ZDHHC17: variants seen among roughly 807,000 people sequenced by gnomAD.
ZDHHC17 encodes zDHHC palmitoyltransferase 17.
Under a neutral mutation model 90.3 loss-of-function variants are expected in ZDHHC17, and 40 were observed. That is an observed-to-expected ratio of 0.44 (90% CI 0.34 to 0.58). The LOEUF is 0.58. ZDHHC17 is among the 20% of genes least tolerant of loss of function. The pLI, the probability that ZDHHC17 is intolerant of heterozygous loss-of-function variation, is 0.01. For missense variants in ZDHHC17, 614 were observed against 780.8 expected, an observed-to-expected ratio of 0.79 and a Z score of 2.55; for synonymous variants, 235 against 252.4, an observed-to-expected ratio of 0.93 and a Z score of 0.65.
In ZDHHC17 at chr12:76,853,121, A is replaced by G. The variant is rs930869311; in HGVS notation, c.*2136A>G. ...TTTCAGTGCAAAAGAGATGTCATTCAGTTAAAAAGACAAACCTCTAGATGT... is the reference window on the plus strand; with the variant it reads ...TTTCAGTGCAAAAGAGATGTCATTCGGTTAAAAAGACAAACCTCTAGATGT... On this transcript the variant is annotated 3_prime_UTR_variant, in exon 17 of 17. Transcript: ENST00000426126. 2.6e-5 allele frequency: 4 copies of G among 152,198 alleles called. No individual in the cohort carries two copies. Among genetic ancestry groups the G allele is most frequent in the Non-Finnish European group, 5.9e-5 (4 of 68,024 alleles). 9.4% of individuals were successfully genotyped at this position (152,198 alleles called of 1,614,324 possible).
chr12:76,846,762 A>G, intron 14 of ZDHHC17, 83 bp downstream of exon 14: 1 of 1,226,504 alleles, frequency 8.2e-7, no homozygotes, highest in Non-Finnish European at 1.2e-6. Flanking sequence ...AATTACTATA[A>G]TGACAAAGGT....
chr12:76,825,514 T>C (rs1002115766), intron 8 of ZDHHC17, among the ~76,000 whole-genome samples: 3 of 152,224 alleles, frequency 2.0e-5, no homozygotes, highest in Non-Finnish European at 2.9e-5. Context: ...TGTCTTGATA[T>C]AAAGTTCATA....
chr12:76,777,981 G>A (rs1261288514), intron 1 of ZDHHC17, among the ~76,000 whole-genome samples: 3 of 152,104 alleles, frequency 2.0e-5, no homozygotes, highest in African/African-American at 4.8e-5. Context: ...GATATCAGTG[G>A]GACTATGCCT....
At chr12:76,815,069 G>A in intron 5 of ZDHHC17, 77 bp from the exon 6 acceptor site, 3 of 937,142 alleles carry the variant, frequency 3.2e-6, no homozygotes, top group Non-Finnish European at 4.9e-6. Flanking sequence ...TTTATATATA[G>A]ATTAGATTTT....
In ZDHHC17 at chr12:76,842,072, G is replaced by A; in HGVS notation, c.1232G>A (p.Gly411Glu). Residue 411 changes from glycine to glutamate, a missense_variant, in exon 11 of 17, where the codon GGG becomes GAG. Coordinates refer to ENST00000426126, the MANE Select transcript of ZDHHC17 (RefSeq NM_015336.4). ...NFGKSWKSDPGIIKATEEQKK... is the reference protein window; with the variant it reads ...NFGKSWKSDPEIIKATEEQKK... ...GGAAAATCTTGGAAATCAGATCCAG[G>A]GATTATTAAAGCAACAGAAGAGCAA... 1.3e-6 allele frequency: 2 copies of A among 1,592,920 alleles called. No homozygotes were observed. The highest frequency in any genetic ancestry group is 1.4e-5 in the African/African-American group (1 of 73,648).
At chr12:76,813,286 A>G (rs1371242394) in intron 5 of ZDHHC17, 1 of 428,954 alleles carries the variant, frequency 2.3e-6, no homozygotes, top group Non-Finnish European at 4.6e-6. Context: ...TTGTTTCTTC[A>G]GAAAACATAT....
At position 76,794,114 on chromosome 12, in the gene ZDHHC17, T is replaced by G. The variant is rs554364375; in HGVS notation, c.94-3320T>G. ...GTTAGCCAGGATGGTCTCAACCTCC[T>G]GACCTTGTGATCCACCTGCCTCTGC... On this transcript the variant is annotated intron_variant, in intron 1 of 16. Transcript: ENST00000426126. Among the ~76,000 whole-genome samples the G allele has an allele frequency of 2.0e-5, 3 of 152,246 alleles. No individual in the cohort carries two copies. In the East Asian group the frequency reaches 5.8e-4, roughly 29 times the overall value.
intron 1 of ZDHHC17, among the ~76,000 whole-genome samples, chr12:76,765,982 A>G (rs1007485642): frequency 6.6e-6 from 1 of 152,202 alleles, no homozygotes; most frequent in Admixed American, 6.5e-5. Flanking sequence ...GATTACAGGC[A>G]TGAGCCACCA....
intron 1 of ZDHHC17, among the ~76,000 whole-genome samples, chr12:76,786,723 A>G (rs563245890): frequency 1.4e-3 from 216 of 152,290 alleles, no homozygotes; most frequent in African/African-American, 4.8e-3. Context: ...GATAGTTAGA[A>G]ATGCCTTCTA....
At chr12:76,814,826 G>C (rs571953605) in intron 5 of ZDHHC17, among the ~76,000 whole-genome samples, 1 of 151,930 alleles carries the variant, frequency 6.6e-6, no homozygotes, top group Non-Finnish European at 1.5e-5. Context: ...GTATAAACAA[G>C]TTTTTCAGAA....
intron 7 of ZDHHC17, among the ~76,000 whole-genome samples, chr12:76,817,611 C>G (rs1953105434): frequency 6.6e-6 from 1 of 151,948 alleles, no homozygotes; most frequent in African/African-American, 2.4e-5. Flanking sequence ...ATTTTCTGTT[C>G]ATATAAAATT....
At chr12:76,793,312 G>A (rs1952781864) in intron 1 of ZDHHC17, among the ~76,000 whole-genome samples, 1 of 152,210 alleles carries the variant, frequency 6.6e-6, no homozygotes, top group South Asian at 2.1e-4. Flanking sequence ...TTCAGGCCAG[G>A]AGTTTGAGAC....
At chr12:76,780,579 A>G (rs1952610897) in intron 1 of ZDHHC17, among the ~76,000 whole-genome samples, 1 of 152,190 alleles carries the variant, frequency 6.6e-6, no homozygotes, top group Admixed American at 6.5e-5. Flanking sequence ...AGTTGTCTGT[A>G]CTTGCTGTTC....
At chr12:76,786,304 C>CA (rs1315970799) in intron 1 of ZDHHC17, among the ~76,000 whole-genome samples, 1 of 151,752 alleles carries the variant, frequency 6.6e-6, no homozygotes, top group Non-Finnish European at 1.5e-5. Context: ...ATTTTTGAGA[C>CA]AGAGTCTTGC....
At chr12:76,827,083 T>G (rs753244337) in intron 9 of ZDHHC17, 33 bp downstream of exon 9, 1 of 1,524,832 alleles carries the variant, frequency 6.6e-7, no homozygotes, top group South Asian at 1.4e-5. Context: ...TATTTTAAAC[T>G]GTACATGAAA....
intron 10 of ZDHHC17, among the ~76,000 whole-genome samples, chr12:76,841,626 G>A (rs373713875): frequency 2.0e-5 from 3 of 151,888 alleles, no homozygotes; most frequent in Admixed American, 6.6e-5. Flanking sequence ...TTAAATATAC[G>A]AGTATGATAT....
At chr12:76,807,881 C>T (rs1952973749) in intron 3 of ZDHHC17, among the ~76,000 whole-genome samples, 1 of 152,086 alleles carries the variant, frequency 6.6e-6, no homozygotes, top group African/African-American at 2.4e-5. Flanking sequence ...TCTAGCCTAC[C>T]CATTCTCAAA....
intron 10 of ZDHHC17, among the ~76,000 whole-genome samples, chr12:76,831,692 A>C (rs1175432312): frequency 6.6e-6 from 1 of 151,778 alleles, no homozygotes; most frequent in Non-Finnish European, 1.5e-5. Context: ...TCACACCCAG[A>C]CTGGAGTGCA....
chr12:76,813,313 G>A (rs766835852), intron 5 of ZDHHC17: 2 of 445,430 alleles, frequency 4.5e-6, no homozygotes, highest in Non-Finnish European at 9.0e-6. Flanking sequence ...TAAGCCACAG[G>A]ATTATTTTAA....
Sources: gnomAD v4.1 joint callset for allele counts (sites outside exome capture counted in the v4.1 genomes callset) on GRCh38, gnomAD v4.1.1 for gene constraint, MANE v1.5 for transcripts, NCBI Gene and HGNC (gene_info 2026-07-23, HGNC 2026-07-21) for gene names.